Variants in NXPH2 observed in about 807,000 individuals in gnomAD.
NXPH2 encodes the protein neurexophilin-2.
Under a neutral mutation model 19.8 loss-of-function variants are expected in NXPH2, and 5 were observed. The ratio of observed to expected loss-of-function variants is 0.25; its 90% CI spans 0.13 to 0.53. The LOEUF is 0.53. Ranked by LOEUF, NXPH2 falls within the 20% of genes least tolerant of loss-of-function variation. NXPH2 has a pLI of 0.96. For missense variants in NXPH2, 289 were observed against 322.8 expected, an observed-to-expected ratio of 0.90 and a Z score of 0.80; for synonymous variants, 154 against 127.4, an observed-to-expected ratio of 1.21 and a Z score of -1.41.
chr2:138,673,683 T>C (rs1466859625), intron 1 of NXPH2, among the ~76,000 whole-genome samples: 1 of 151,712 alleles, frequency 6.6e-6, no homozygotes, highest in East Asian at 1.9e-4. Context: ...CTCAGTTTGA[T>C]GCCCAGGTGG....
At chr2:138,714,209 C>T (rs916150522) in intron 1 of NXPH2, among the ~76,000 whole-genome samples, 2 of 152,052 alleles carry the variant, frequency 1.3e-5, no homozygotes, top group African/African-American at 4.8e-5. Flanking sequence ...TATGTGCGTA[C>T]ATAGGGGCAG....
At chr2:138,692,549 C>T (rs903789613) in intron 1 of NXPH2, among the ~76,000 whole-genome samples, 8 of 152,034 alleles carry the variant, frequency 5.3e-5, no homozygotes, top group African/African-American at 1.2e-4. Context: ...CCTAAATGTC[C>T]GCTGAAGATG....
At chr2:138,747,461 G>C (rs1308955840) in intron 1 of NXPH2, among the ~76,000 whole-genome samples, 1 of 152,184 alleles carries the variant, frequency 6.6e-6, no homozygotes, top group East Asian at 1.9e-4. Flanking sequence ...AGGCTGTGAA[G>C]GGGCCCCGTG....
rs542824347 is a variant in NXPH2 at position 138,766,482 on chromosome 2, A to G, written c.51+13709T>C. ...GAGAAGGTGCTACTCGCATCTGGGTAGGAGCCAGATGTGTTATTAAGCATC... is the reference window on the plus strand; with the variant it reads ...GAGAAGGTGCTACTCGCATCTGGGTGGGAGCCAGATGTGTTATTAAGCATC... On this transcript the variant is annotated intron_variant, in intron 1 of 1. Coordinates refer to ENST00000272641, the MANE Select transcript of NXPH2 (RefSeq NM_007226.3). Among the ~76,000 whole-genome samples the G allele has an allele frequency of 1.4e-3, 206 of 152,288 alleles. 1 individual carries two copies. Among genetic ancestry groups the G allele is most frequent in the African/African-American group, 4.3e-3 (177 of 41,564 alleles).
intron 1 of NXPH2, among the ~76,000 whole-genome samples, chr2:138,760,050 G>C (rs115705186): frequency 0.064 from 9,709 of 152,102 alleles, 1,094 homozygotes; most frequent in African/African-American, 0.22. Context: ...TCTATAAAGT[G>C]TTTAAGAATC....
At chr2:138,720,677 G>C (rs1343204726) in intron 1 of NXPH2, among the ~76,000 whole-genome samples, 1 of 152,206 alleles carries the variant, frequency 6.6e-6, no homozygotes, top group Non-Finnish European at 1.5e-5. Context: ...CGGCAGCACA[G>C]GGGGCTGGCT....
intron 1 of NXPH2, among the ~76,000 whole-genome samples, chr2:138,748,161 G>T (rs1172644970): frequency 6.6e-6 from 1 of 152,142 alleles, no homozygotes; most frequent in African/African-American, 2.4e-5. Context: ...CTAGGTGCAA[G>T]TAACACTGCC....
At chr2:138,758,822 G>C (rs894584126) in intron 1 of NXPH2, among the ~76,000 whole-genome samples, 1 of 152,166 alleles carries the variant, frequency 6.6e-6, no homozygotes, top group Non-Finnish European at 1.5e-5. Flanking sequence ...TTGCTCACAA[G>C]TGGTCCCAAG....
intron 1 of NXPH2, among the ~76,000 whole-genome samples, chr2:138,770,974 C>CA (rs1300310192): frequency 2.0e-5 from 3 of 151,884 alleles, no homozygotes; most frequent in Non-Finnish European, 2.9e-5. Flanking sequence ...AATAGATTGT[C>CA]AAAAATTTTT....
intron 1 of NXPH2, among the ~76,000 whole-genome samples, chr2:138,680,976 G>A (rs1294112535): frequency 3.9e-5 from 6 of 152,176 alleles, no homozygotes; most frequent in African/African-American, 1.4e-4. Context: ...AGTCTTTGCT[G>A]AATTCCTGAC....
intron 1 of NXPH2, among the ~76,000 whole-genome samples, chr2:138,674,357 T>G (rs1680455657): frequency 6.6e-6 from 1 of 152,078 alleles, no homozygotes. Flanking sequence ...TCTCACCATG[T>G]TGGCCAGGCT....
chr2:138,768,331 G>A (rs984277999), intron 1 of NXPH2, among the ~76,000 whole-genome samples: 6 of 152,268 alleles, frequency 3.9e-5, no homozygotes, highest in African/African-American at 1.4e-4. Flanking sequence ...CTCTGTAGTT[G>A]TTTGGGTCTC....
intron 1 of NXPH2, among the ~76,000 whole-genome samples, chr2:138,745,515 G>T (rs1681714272): frequency 7.1e-6 from 1 of 140,048 alleles, no homozygotes; most frequent in African/African-American, 2.8e-5. Flanking sequence ...GGTGTTGTTT[G>T]CATGTTTTTC....
chr2:138,773,522 G>A (rs1682210539), intron 1 of NXPH2, among the ~76,000 whole-genome samples: 1 of 152,072 alleles, frequency 6.6e-6, no homozygotes, highest in Admixed American at 6.6e-5. Context: ...ACACACAAAT[G>A]AGGAATGGAA....
At chr2:138,737,397 A>G (rs1166491141) in intron 1 of NXPH2, among the ~76,000 whole-genome samples, 2 of 152,150 alleles carry the variant, frequency 1.3e-5, no homozygotes, top group Non-Finnish European at 2.9e-5. Context: ...AAACCATCAG[A>G]TCTTGTGAGA....
At chr2:138,674,133 A>G (rs1680452258) in intron 1 of NXPH2, among the ~76,000 whole-genome samples, 1 of 151,686 alleles carries the variant, frequency 6.6e-6, no homozygotes, top group Admixed American at 6.6e-5. Context: ...GCACACTACC[A>G]TGCCTGGCTA....
chr2:138,759,816 G>T (rs962094947), intron 1 of NXPH2, among the ~76,000 whole-genome samples: 10 of 142,738 alleles, frequency 7.0e-5, no homozygotes, highest in Non-Finnish European at 1.5e-4. Flanking sequence ...TGCAACCTCC[G>T]CCTCCCAGGT....
At position 138,680,240 on chromosome 2, in the gene NXPH2, G is replaced by A. The variant is rs74666203; in HGVS notation, c.52-8575C>T. On this transcript the variant is annotated intron_variant, in intron 1 of 1. Transcript: ENST00000272641. Reference sequence around the variant, plus strand: ...AGCTTGGTTTTCTTAATAGTAAAATGGTGAAAAGCACAAGATATGGTTGCA... The same window carrying A: ...AGCTTGGTTTTCTTAATAGTAAAATAGTGAAAAGCACAAGATATGGTTGCA... 9.0e-3 allele frequency among the ~76,000 whole-genome samples: 1,376 copies of A among 152,252 alleles called. 19 individuals carry two copies. The highest frequency in any genetic ancestry group is 0.032 in the African/African-American group (1,329 of 41,542).
At chr2:138,755,276 GT>G (rs1402014498) in intron 1 of NXPH2, among the ~76,000 whole-genome samples, 4 of 151,894 alleles carry the variant, frequency 2.6e-5, no homozygotes, top group Non-Finnish European at 1.5e-5. Flanking sequence ...TTCTCCTGTG[GT>G]TTTTTTCTAG....
Sources: gnomAD v4.1 joint callset for allele counts (sites outside exome capture counted in the v4.1 genomes callset) on GRCh38, gnomAD v4.1.1 for gene constraint, MANE v1.5 for transcripts, NCBI Gene and HGNC (gene_info 2026-07-23, HGNC 2026-07-21) for gene names.